GRID2: variants seen among roughly 807,000 people sequenced by gnomAD.
GRID2 encodes glutamate receptor ionotropic, delta-2.
A neutral mutation model predicts 114.8 loss-of-function variants in GRID2; 33 were observed. The observed-to-expected ratio is 0.29, with a 90% CI of 0.22 to 0.38. The LOEUF is 0.38. Among genes scored for constraint, GRID2 ranks in the 10% least tolerant of loss-of-function variants. GRID2 has a pLI of 1.00. For missense variants in GRID2, 1,184 were observed against 1,257.7 expected (o/e 0.94, Z 0.89); for synonymous variants, 505 against 449.9 (o/e 1.12, Z -1.55).
At chr4:92,455,181 C>T (rs1007672119) in intron 1 of GRID2, among the ~76,000 whole-genome samples, 7 of 152,098 alleles carry the variant, frequency 4.6e-5, no homozygotes, top group Non-Finnish European at 7.4e-5. Context: ...AAAAAGGATA[C>T]TTCTAATTTT....
rs759077264 is a variant in GRID2, at chr4:93,790,362, A to G, written c.222-16353A>G. On this transcript the variant is annotated intron_variant, in intron 1 of 1. Transcript: ENST00000637838. Reference sequence around the variant, plus strand: ...CTAATTCAATATATCTACAATGATTACTTAGAATCTAAAATAGAAAATAGC... The same window carrying G: ...CTAATTCAATATATCTACAATGATTGCTTAGAATCTAAAATAGAAAATAGC... Among the ~76,000 whole-genome samples, 39 of 152,202 alleles carry G rather than the reference A, an allele frequency of 2.6e-4. 1 individual carries two copies. Among genetic ancestry groups the G allele is most frequent in the Non-Finnish European group, 4.8e-4 (33 of 68,042 alleles).
chr4:93,490,626 C>T lies in GRID2; in HGVS notation c.1859-13C>T. On this transcript the variant is annotated splice_polypyrimidine_tract_variant and intron_variant, in intron 11 of 15. Transcript: ENST00000282020. ...AGTTGATGTTCTTTTTATCTCTTTG[C>T]TTCTTTCTACAGGCGGGGAAGTCCC... The T allele has an allele frequency of 6.3e-7, 1 of 1,598,352 alleles. No homozygotes were observed. The highest frequency in any genetic ancestry group is 8.6e-7 in the Non-Finnish European group (1 of 1,168,200).
At chr4:92,918,182 T>G (rs543363439) in intron 2 of GRID2, among the ~76,000 whole-genome samples, 6 of 152,168 alleles carry the variant, frequency 3.9e-5, no homozygotes, top group East Asian at 3.9e-4. Flanking sequence ...GAATGATTGT[T>G]ATTTTTGCAC....
intron 14 of GRID2, among the ~76,000 whole-genome samples, chr4:93,637,620 G>T (rs946190882): frequency 5.9e-5 from 9 of 152,058 alleles, no homozygotes; most frequent in Admixed American, 1.3e-4. Context: ...AATAACAAAG[G>T]GTCCTCCATT....
chr4:92,676,096 G>GTTT (rs71853421), intron 2 of GRID2, among the ~76,000 whole-genome samples: 8,389 of 137,364 alleles, frequency 0.061, 310 homozygotes, highest in East Asian at 0.18. Flanking sequence ...TTTTAAAATA[G>GTTT]TTTTTTGTTT....
chr4:92,824,360 C>T (rs1421545166), intron 2 of GRID2, among the ~76,000 whole-genome samples: 2 of 151,796 alleles, frequency 1.3e-5, no homozygotes, highest in African/African-American at 4.8e-5. Flanking sequence ...ATTTTTTTCC[C>T]CATTTCTTTT....
chr4:92,910,300 C>G (rs1419484312), intron 2 of GRID2, among the ~76,000 whole-genome samples: 1 of 152,044 alleles, frequency 6.6e-6, no homozygotes, highest in African/African-American at 2.4e-5. Flanking sequence ...ACTTCCAGCC[C>G]AATCCCCCAG....
At chr4:92,619,025 A>G (rs1402555740) in intron 2 of GRID2, among the ~76,000 whole-genome samples, 1 of 150,878 alleles carries the variant, frequency 6.6e-6, no homozygotes, top group African/African-American at 2.4e-5. Context: ...TCTCTCTGAT[A>G]TCTCTGTTTA....
chr4:92,594,947 G>C (rs1728878947), intron 2 of GRID2, among the ~76,000 whole-genome samples: 2 of 151,908 alleles, frequency 1.3e-5, no homozygotes, highest in South Asian at 2.1e-4. Context: ...GTCAGGAAAT[G>C]TAAGGATGGT....
intron 4 of GRID2, among the ~76,000 whole-genome samples, chr4:93,206,726 T>C (rs1377962994): frequency 3.9e-5 from 6 of 152,126 alleles, no homozygotes; most frequent in Non-Finnish European, 7.4e-5. Flanking sequence ...GCTACCCATA[T>C]ATTTTTATTC....
chr4:93,053,349 G>A (rs1726906974), intron 2 of GRID2, among the ~76,000 whole-genome samples: 1 of 151,828 alleles, frequency 6.6e-6, no homozygotes, highest in South Asian at 2.1e-4. Flanking sequence ...TGCATTTTTT[G>A]AAGTCTTGTT....
chr4:92,639,367 CAAAT>C (rs989193961), intron 2 of GRID2, among the ~76,000 whole-genome samples: 11 of 151,684 alleles, frequency 7.3e-5, no homozygotes, highest in African/African-American at 2.7e-4. Context: ...AATATAAAAA[CAAAT>C]GAAGATTAAT....
At chr4:92,624,026 A>G (rs937108339) in intron 2 of GRID2, among the ~76,000 whole-genome samples, 1 of 151,880 alleles carries the variant, frequency 6.6e-6, no homozygotes, top group African/African-American at 2.4e-5. Context: ...AGACTGCAGA[A>G]CATACTGTAG....
At chr4:92,964,131 C>T (rs1454775586) in intron 2 of GRID2, among the ~76,000 whole-genome samples, 2 of 151,932 alleles carry the variant, frequency 1.3e-5, no homozygotes, top group East Asian at 3.9e-4. Flanking sequence ...TAACAGAATT[C>T]TTAAGAGCTC....
At chr4:93,119,375 T>C (rs1419341104) in intron 4 of GRID2, among the ~76,000 whole-genome samples, 2 of 152,180 alleles carry the variant, frequency 1.3e-5, no homozygotes, top group Non-Finnish European at 2.9e-5. Flanking sequence ...GTTGCATTTG[T>C]TGCTGTGTAC....
intron 13 of GRID2, among the ~76,000 whole-genome samples, chr4:93,524,698 C>A (rs930903587): frequency 5.3e-5 from 8 of 149,802 alleles, no homozygotes; most frequent in Non-Finnish European, 1.5e-5. Context: ...TACAATGTGT[C>A]AAGTTTTATA....
At chr4:92,558,546 T>C (rs1245811706) in intron 1 of GRID2, among the ~76,000 whole-genome samples, 4 of 152,198 alleles carry the variant, frequency 2.6e-5, no homozygotes, top group Non-Finnish European at 5.9e-5. Context: ...AATATAATCC[T>C]TTCTTCAAGT....
At chr4:93,580,364 A>G (rs937154519) in intron 13 of GRID2, among the ~76,000 whole-genome samples, 45 of 152,328 alleles carry the variant, frequency 3.0e-4, no homozygotes, top group Non-Finnish European at 4.0e-4. Context: ...GGGGAGAGAT[A>G]CTGATGTGTT....
At chr4:92,571,597 A>T (rs1444175339) in intron 1 of GRID2, among the ~76,000 whole-genome samples, 2 of 151,986 alleles carry the variant, frequency 1.3e-5, no homozygotes, top group Non-Finnish European at 2.9e-5. Context: ...TCAGCACCAC[A>T]CCGCACTTAT....
Sources: gnomAD v4.1 joint callset for allele counts (sites outside exome capture counted in the v4.1 genomes callset) on GRCh38, gnomAD v4.1.1 for gene constraint, MANE v1.5 for transcripts, NCBI Gene and HGNC (gene_info 2026-07-23, HGNC 2026-07-21) for gene names.